The following SLC22A23 variants were observed in gnomAD, a reference collection of about 807,000 sequenced individuals.
SLC22A23 encodes the protein ion transporter protein.
A neutral mutation model predicts 61.0 loss-of-function variants in SLC22A23; 26 were observed. The observed-to-expected ratio is 0.43, with a 90% confidence interval of 0.31 to 0.59. The LOEUF is 0.59. SLC22A23 is among the 20% of genes least tolerant of loss of function. SLC22A23 has a pLI of 0.11. For synonymous variants in SLC22A23, 430 were observed against 413.9 expected (o/e 1.04, Z -0.47); for missense variants, 796 against 934.7 (o/e 0.85, Z 1.94).
At chr6:3,407,341 T>A (rs1211156610) in intron 3 of SLC22A23, among the ~76,000 whole-genome samples, 1 of 152,214 alleles carries the variant, frequency 6.6e-6, no homozygotes, top group African/African-American at 2.4e-5. Flanking sequence ...GACTCCGCTT[T>A]TTGACTCAGC....
At chr6:3,423,375 T>G (rs142596719) in intron 1 of SLC22A23, among the ~76,000 whole-genome samples, 1 of 152,340 alleles carries the variant, frequency 6.6e-6, no homozygotes, top group African/African-American at 2.4e-5. Flanking sequence ...TTGAACGTTC[T>G]TATTCGTTTT....
intron 3 of SLC22A23, among the ~76,000 whole-genome samples, chr6:3,362,382 G>A (rs529382899): frequency 4.6e-5 from 6 of 129,170 alleles, no homozygotes; most frequent in Admixed American, 2.5e-4. Context: ...CAGGCTGGGC[G>A]ACAGAGCGAG....
chr6:3,455,784 C>A (rs1772368135), intron 1 of SLC22A23, 122 bp downstream of exon 1: 3 of 1,210,670 alleles, frequency 2.5e-6, no homozygotes, highest in Non-Finnish European at 1.1e-6. Context: ...TAAGCCAATG[C>A]GGAATGCCCT....
intron 3 of SLC22A23, among the ~76,000 whole-genome samples, chr6:3,398,241 T>G (rs1186835548): frequency 6.6e-6 from 1 of 152,136 alleles, no homozygotes; most frequent in Non-Finnish European, 1.5e-5. Flanking sequence ...GGAAATGAAC[T>G]AGAAGTAAAT....
chr6:3,367,540 A>G, intron 3 of SLC22A23, among the ~76,000 whole-genome samples: 1 of 152,166 alleles, frequency 6.6e-6, no homozygotes, highest in African/African-American at 2.4e-5. Context: ...TGGGTCTCAG[A>G]GAGTGCATAG....
chr6:3,277,795 C>G (rs9501976), intron 9 of SLC22A23, among the ~76,000 whole-genome samples: 152,193 of 152,366 alleles, frequency 1, 76,011 homozygotes, highest in Middle Eastern at 1. Context: ...TGTGCGCTGG[C>G]CCTCAAGGTA....
chr6:3,402,358 G>A (rs982076109), intron 3 of SLC22A23, among the ~76,000 whole-genome samples: 1 of 99,934 alleles, frequency 1.0e-5, no homozygotes, highest in East Asian at 3.2e-4. Context: ...ATGGAGGATA[G>A]GTCTGTGTGT....
At chr6:3,367,865 G>A (rs1236652562) in intron 3 of SLC22A23, among the ~76,000 whole-genome samples, 1 of 152,162 alleles carries the variant, frequency 6.6e-6, no homozygotes, top group Non-Finnish European at 1.5e-5. Flanking sequence ...TTAGTACAGG[G>A]AAAAACCCCG....
In SLC22A23 at chr6:3,424,760, A is replaced by G. The variant is rs1770374264; in HGVS notation, c.655-8905T>C. Reference sequence around the variant, plus strand: ...TATTGGCACACAGCCGTGCTCCTTCATTCATATATTCATTTGCAGCGGATT... The same window carrying G: ...TATTGGCACACAGCCGTGCTCCTTCGTTCATATATTCATTTGCAGCGGATT... On this transcript the variant is annotated intron_variant, in intron 1 of 9. Coordinates refer to ENST00000406686, the MANE Select transcript of SLC22A23 (RefSeq NM_015482.2). Among the ~76,000 whole-genome samples, 4 of 152,332 alleles carry G rather than the reference A, an allele frequency of 2.6e-5. No individual in the cohort carries two copies. The South Asian group carries it at 8.3e-4, about 32-fold the overall frequency.
chr6:3,422,570 A>G (rs138433963), intron 1 of SLC22A23, among the ~76,000 whole-genome samples: 199 of 152,152 alleles, frequency 1.3e-3, no homozygotes, highest in African/African-American at 4.4e-3. Flanking sequence ...ATTACTCTCT[A>G]CTTTTTGCCT....
In SLC22A23 at chr6:3,280,643, C is replaced by G. The variant is rs1222872946; in HGVS notation, c.1703+3209G>C. 5.9e-5 allele frequency among the ~76,000 whole-genome samples: 9 copies of G among 151,870 alleles called. No homozygotes were observed. In the East Asian group the frequency reaches 1.7e-3, roughly 29 times the overall value. ...CCTGAGTAGCTGGGACTACAGGCGC[C>G]CGCCACCACGCCCGGCTAATTTTTT... On this transcript the variant is annotated intron_variant, in intron 9 of 9. Transcript: ENST00000406686.
At chr6:3,439,994 A>G (rs1771484025) in intron 1 of SLC22A23, among the ~76,000 whole-genome samples, 1 of 152,146 alleles carries the variant, frequency 6.6e-6, no homozygotes, top group Non-Finnish European at 1.5e-5. Context: ...CCTACCACCC[A>G]GGCCCAACTT....
chr6:3,345,363 CTTTT>C (rs1163840651), intron 3 of SLC22A23, among the ~76,000 whole-genome samples: 2 of 124,758 alleles, frequency 1.6e-5, no homozygotes, highest in Non-Finnish European at 1.6e-5. Context: ...TATCTCTTTT[CTTTT>C]TTTTTTTTTT....
At chr6:3,394,649 G>A (rs1001871443) in intron 3 of SLC22A23, among the ~76,000 whole-genome samples, 4 of 152,104 alleles carry the variant, frequency 2.6e-5, no homozygotes, top group African/African-American at 4.8e-5. Flanking sequence ...CAAACACAAA[G>A]CAAAGCACAT....
intron 3 of SLC22A23, among the ~76,000 whole-genome samples, chr6:3,345,287 T>C (rs187611793): frequency 6.6e-6 from 1 of 152,076 alleles, no homozygotes; most frequent in Non-Finnish European, 1.5e-5. Flanking sequence ...CCAGTCAACT[T>C]AAGAAAACAA....
chr6:3,403,592 C>T (rs1215328541), intron 3 of SLC22A23, among the ~76,000 whole-genome samples: 3 of 152,092 alleles, frequency 2.0e-5, no homozygotes, highest in Non-Finnish European at 2.9e-5. Context: ...AGCCACACAG[C>T]GAGGAAGGAT....
chr6:3,447,877 C>T (rs533264851), intron 1 of SLC22A23, among the ~76,000 whole-genome samples: 6 of 142,940 alleles, frequency 4.2e-5, no homozygotes, highest in African/African-American at 1.6e-4. Flanking sequence ...CATGAGCTAC[C>T]ATGCCTGGCC....
At chr6:3,343,116 AAAGCTCTGTTTCTAGGT>A (rs1287881541) in intron 3 of SLC22A23, among the ~76,000 whole-genome samples, 1 of 152,184 alleles carries the variant, frequency 6.6e-6, no homozygotes, top group Non-Finnish European at 1.5e-5. Context: ...ATTCTTCGGG[AAAGCTCTGTTTCTAGGT>A]AGATGGGGGA....
chr6:3,360,770 T>G lies in SLC22A23; in HGVS notation c.914-36768A>C, dbSNP rs1055625032. ...CACGACAGGTGTGCAGGCACCCCCA[T>G]GCAGACGGGCCCCTCTGATGGAGAC... is the stretch of plus-strand genomic sequence containing the variant. On this transcript the variant is annotated intron_variant, in intron 3 of 9. Transcript: ENST00000406686. The surrounding 1 kb of genome is among the most constrained non-coding windows in gnomAD (Gnocchi z 4.6). 1.3e-5 allele frequency among the ~76,000 whole-genome samples: 2 copies of G among 152,192 alleles called. No homozygotes were observed. The highest frequency in any genetic ancestry group is 2.9e-5 in the Non-Finnish European group (2 of 68,022).
Sources: allele counts gnomAD v4.1 joint callset (sites outside exome capture counted in the v4.1 genomes callset), GRCh38; gene constraint gnomAD v4.1.1; non-coding constraint Gnocchi (gnomAD v3.1); transcripts MANE v1.5; gene names NCBI Gene and HGNC (gene_info 2026-07-23, HGNC 2026-07-21).